Variants in COPB1 observed in about 807,000 individuals in gnomAD.
The protein encoded by COPB1 is coat protein complex I subunit beta 1.
In COPB1, 21 loss-of-function variants were observed where a neutral mutation model predicts 108.7. The ratio of observed to expected loss-of-function variants is 0.19; its 90% CI spans 0.14 to 0.28. COPB1 has a LOEUF of 0.28. Ranked by LOEUF, COPB1 falls within the 10% of genes least tolerant of loss-of-function variation. COPB1 has a pLI of 1.00. For synonymous variants in COPB1, 378 were observed against 386.8 expected (o/e 0.98, Z 0.27); for missense variants, 919 against 1,141.3 (o/e 0.81, Z 2.81).
chr11:14,486,345 C>G, intron 7 of COPB1, 22 bp downstream of exon 7: 1 of 1,612,904 alleles, frequency 6.2e-7, no homozygotes. Flanking sequence ...TCTAATCTGG[C>G]CCCAAAAGAA....
intron 19 of COPB1, 52 bp from the exon 20 acceptor site, chr11:14,460,349 G>T: frequency 1.7e-6 from 2 of 1,145,790 alleles, no homozygotes; most frequent in Non-Finnish European, 2.6e-6. Flanking sequence ...CTATGAGAAA[G>T]CTGTGAATCA....
intron 11 of COPB1, among the ~76,000 whole-genome samples, chr11:14,478,372 C>T (rs1447991950): frequency 4.0e-5 from 6 of 149,350 alleles, no homozygotes; most frequent in East Asian, 2.0e-4. Context: ...TCCAGGAGTT[C>T]GAGACCAGCC....
At position 14,475,911 on chromosome 11, in the gene COPB1, G is replaced by A. The variant is rs1177881690; in HGVS notation, c.1490C>T (p.Ala497Val). 6.2e-7 allele frequency: 1 copy of A among 1,610,384 alleles called. No individual in the cohort carries two copies. The highest frequency in any genetic ancestry group is 8.5e-7 in the Non-Finnish European group (1 of 1,178,944). ...TTCTTCTTCAGGTTTTAATTCACCAGCTTCTTTCTTTATTTCTGACTCTAC... is the reference window on the plus strand; with the variant it reads ...TTCTTCTTCAGGTTTTAATTCACCAACTTCTTTCTTTATTTCTGACTCTAC... Reference protein sequence around the residue: ...PIVESEIKKEAGELKPEEEIT... With the variant: ...PIVESEIKKEVGELKPEEEIT... The change falls in exon 13 of 22, where the codon GCT becomes GTT. Residue 497 changes from alanine (A) to valine (V), a missense_variant. Physicochemically the swap from Ala to Val is moderately conservative, Grantham distance 64. Around this residue, in one of 5 missense-constraint regions of COPB1, gnomAD observed 705 missense variants for 817.8 expected, o/e 0.86. Coordinates refer to ENST00000439561, the MANE Select transcript of COPB1 (RefSeq NM_001144061.2).
Position 14,457,710 on chromosome 11 carries a change from G to C in COPB1, c.*114C>G. On this transcript the variant is annotated 3_prime_UTR_variant, in exon 22 of 22. Coordinates refer to ENST00000439561, the MANE Select transcript of COPB1 (RefSeq NM_001144061.2). The stretch of plus-strand genomic sequence containing the variant: ...AAGGCTATAAATTATTGGCTGAAAA[G>C]TATTCAGCATGAACTCAGATTCTAT... 1 of 724,054 alleles carries C rather than the reference G, an allele frequency of 1.4e-6. No individual in the cohort carries two copies. The allele number at this position is 724,054 out of a possible 1,614,324, so 44.9% of individuals were successfully genotyped here. A position where few individuals can be genotyped will look rare whatever the true frequency, so the allele number is the denominator to read the frequency against.
chr11:14,469,590 G>A (rs1589955431), intron 14 of COPB1, 27 bp from the exon 15 acceptor site: 1 of 1,570,096 alleles, frequency 6.4e-7, no homozygotes, highest in Non-Finnish European at 8.8e-7. Flanking sequence ...ATCGGTTACT[G>A]ATATTGTCTT....
chr11:14,491,918 CTTGCCTCTTCT>C (rs1331321837), intron 4 of COPB1, among the ~76,000 whole-genome samples: 1 of 152,170 alleles, frequency 6.6e-6, no homozygotes, highest in Non-Finnish European at 1.5e-5. Flanking sequence ...TGCTTACTGA[CTTGCCTCTTCT>C]TTTGGAAATT....
At chr11:14,464,888 C>T (rs1348243213) in intron 18 of COPB1, 23 bp downstream of exon 18, 1 of 1,603,330 alleles carries the variant, frequency 6.2e-7, no homozygotes, top group Non-Finnish European at 8.5e-7. Context: ...TCAAACATTA[C>T]ATGCCATAAA....
intron 19 of COPB1, among the ~76,000 whole-genome samples, chr11:14,460,700 C>T (rs964603113): frequency 3.9e-5 from 6 of 152,002 alleles, no homozygotes; most frequent in Admixed American, 3.3e-4. Flanking sequence ...GATGGAGTTT[C>T]ACCATTTTGC....
chr11:14,470,132 GTT>G (rs144902005), intron 14 of COPB1, among the ~76,000 whole-genome samples: 2,060 of 152,218 alleles, frequency 0.014, 23 homozygotes, highest in Middle Eastern at 0.021. Context: ...GTCTTAAAAT[GTT>G]TTTGTTTTAT....
At chr11:14,499,298 G>T (rs1160863269) in intron 1 of COPB1, among the ~76,000 whole-genome samples, 1 of 152,018 alleles carries the variant, frequency 6.6e-6, no homozygotes, top group African/African-American at 2.4e-5. Context: ...CACACAATCT[G>T]CATGCTCAAG....
rs1850957826 is a variant in COPB1 at position 14,493,627 on chromosome 11, A to G, written c.491+15T>C. The G allele has an allele frequency of 6.3e-7, 1 of 1,579,604 alleles. No homozygotes were observed. The highest frequency in any genetic ancestry group is 1.4e-5 in the African/African-American group (1 of 73,392). On this transcript the variant is annotated intron_variant, in intron 4 of 21. Coordinates refer to ENST00000439561, the MANE Select transcript of COPB1 (RefSeq NM_001144061.2). ...AGTACTCACAGAATGAAGCCAAAGC[A>G]GTATCTTTATTTACCTATAGATGGT...
chr11:14,464,827 C>A, intron 18 of COPB1, 84 bp downstream of exon 18: 2 of 1,423,042 alleles, frequency 1.4e-6, no homozygotes, highest in Non-Finnish European at 1.9e-6. Flanking sequence ...AGATCCTCTC[C>A]TCATACAATG....
intron 13 of COPB1, 98 bp from the exon 14 acceptor site, chr11:14,474,713 A>G (rs568654874): frequency 2.0e-6 from 3 of 1,493,970 alleles, no homozygotes; most frequent in Admixed American, 2.0e-5. Context: ...CACTCTTATT[A>G]CCATCCTTCA....
intron 8 of COPB1, among the ~76,000 whole-genome samples, chr11:14,482,454 T>C (rs941317670): frequency 3.3e-5 from 5 of 152,210 alleles, no homozygotes; most frequent in African/African-American, 9.6e-5. Context: ...CAAATTAAAA[T>C]GAGTATGTCA....
At chr11:14,473,649 A>T (rs1291637152) in intron 14 of COPB1, among the ~76,000 whole-genome samples, 3 of 152,194 alleles carry the variant, frequency 2.0e-5, no homozygotes, top group African/African-American at 7.2e-5. Flanking sequence ...ATCCCAAAAC[A>T]ACTATGATAG....
Position 14,466,442 on chromosome 11 carries a change from CAA to C in COPB1, c.2146-18_2146-17del. On this transcript the variant is annotated splice_polypyrimidine_tract_variant and intron_variant, in intron 16 of 21. Coordinates refer to ENST00000439561, the MANE Select transcript of COPB1 (RefSeq NM_001144061.2). ...ATTGGGTGACCTGTCAAAACAAAAA[CAA>C]AGACATAATCAAATGACAGATGCAA... 1 of 1,604,762 alleles carries C rather than the reference CAA, an allele frequency of 6.2e-7. No homozygotes were observed. The highest frequency in any genetic ancestry group is 8.5e-7 in the Non-Finnish European group (1 of 1,176,336).
At chr11:14,483,243 CA>C in intron 7 of COPB1, 92 bp from the exon 8 acceptor site, 1 of 669,250 alleles carries the variant, frequency 1.5e-6, no homozygotes, top group Non-Finnish European at 2.3e-6. Flanking sequence ...CACACACACA[CA>C]CACACACACA....
At chr11:14,499,065 A>G (rs1589972456) in intron 1 of COPB1, 80 bp from the exon 2 acceptor site, 4 of 661,044 alleles carry the variant, frequency 6.1e-6, no homozygotes, top group East Asian at 5.8e-5. Flanking sequence ...GACCTTTTAA[A>G]GTATTAGAAA....
At chr11:14,482,200 C>T (rs977121240) in intron 8 of COPB1, among the ~76,000 whole-genome samples, 6 of 152,158 alleles carry the variant, frequency 3.9e-5, no homozygotes, top group African/African-American at 1.2e-4. Context: ...CTGATCAATA[C>T]TATTAACTAA....
Sources: gnomAD v4.1 joint callset for allele counts (sites outside exome capture counted in the v4.1 genomes callset) on GRCh38, gnomAD v4.1.1 for gene constraint, gnomAD v4.1.1 regional missense constraint, MANE v1.5 for transcripts, NCBI Gene and HGNC (gene_info 2026-07-23, HGNC 2026-07-21) for gene names.